The following GSE1 variants were observed in gnomAD, a reference collection of about 807,000 sequenced individuals.
GSE1 encodes the protein genetic suppressor element 1.
A neutral mutation model predicts 112.6 loss-of-function variants in GSE1; 32 were observed. That is an observed-to-expected ratio of 0.28 (90% confidence interval 0.21 to 0.38). The LOEUF (loss-of-function observed/expected upper bound fraction) is 0.38. Ranked by LOEUF, GSE1 falls within the 10% of genes least tolerant of loss-of-function variation. The pLI, the probability that GSE1 is intolerant of heterozygous loss-of-function variation, is 1.00. For missense variants in GSE1, 2,348 were observed against 1,699.2 expected (o/e 1.38, Z -6.71); for synonymous variants, 1,115 against 735.6 (o/e 1.52, Z -8.35).
chr16:85,667,371 G>C (rs1322332617), intron 13 of GSE1, among the ~76,000 whole-genome samples: 1 of 152,246 alleles, frequency 6.6e-6, no homozygotes, highest in African/African-American at 2.4e-5. Context: ...CCCCACGGGA[G>C]GCCAGGTGTG....
chr16:85,654,665 C>T lies in GSE1; in HGVS notation c.600-129C>T, dbSNP rs898939450. The T allele has an allele frequency of 7.0e-5, 52 of 739,144 alleles. No homozygotes were observed. The East Asian group carries it at 8.1e-4, about 11-fold the overall frequency. 45.8% of individuals were successfully genotyped at this position (739,144 alleles called of 1,614,324 possible). On this transcript the variant is annotated intron_variant, in intron 4 of 15. Transcript: ENST00000253458. ...CCCCCCGCTGCTTAAGCCCCGTCCT[C>T]GTTCGGGGTGCCAGGAGTCTGGGTG... is the stretch of plus-strand genomic sequence containing the variant.
intron 2 of GSE1, among the ~76,000 whole-genome samples, chr16:85,537,525 C>G (rs1341526092): frequency 6.6e-6 from 1 of 152,168 alleles, no homozygotes; most frequent in Non-Finnish European, 1.5e-5. Flanking sequence ...AGCCAGGGCT[C>G]GAGTTCTGGG....
chr16:85,199,148 G>C (rs2074982350), intron 1 of GSE1, among the ~76,000 whole-genome samples: 1 of 152,016 alleles, frequency 6.6e-6, no homozygotes, highest in Non-Finnish European at 1.5e-5. Context: ...GTAGAGACAG[G>C]GTTTCAGCAT....
intron 1 of GSE1, among the ~76,000 whole-genome samples, chr16:85,296,118 G>C (rs1049710537): frequency 4.6e-5 from 7 of 152,100 alleles, no homozygotes; most frequent in African/African-American, 1.7e-4. Context: ...CAAGGCTGAG[G>C]GGGGATGTGG....
chr16:85,224,833 C>CAA (rs34148489), intron 1 of GSE1, among the ~76,000 whole-genome samples: 25 of 107,530 alleles, frequency 2.3e-4, no homozygotes, highest in African/African-American at 7.3e-4. Flanking sequence ...ACTAAAAATA[C>CAA]AAAAAAAAAA....
intron 2 of GSE1, among the ~76,000 whole-genome samples, chr16:85,399,052 AGT>A (rs1431531677): frequency 2.0e-5 from 3 of 152,226 alleles, no homozygotes; most frequent in South Asian, 4.1e-4. Context: ...ATGCATGTGC[AGT>A]GTGTTATATA....
Position 85,485,488 on chromosome 16 carries a change from C to G in GSE1, c.2464+127845C>G, listed in dbSNP as rs150640263. ...GAGGGAGCCAGGCATGGCCCCTGCT[C>G]AGGCTCTGCCTGTGGCGCCTGCCGC... On this transcript the variant is annotated intron_variant, in intron 2 of 2. Transcript: ENST00000637419. Among the ~76,000 whole-genome samples, 192 of 152,370 alleles carry G rather than the reference C, an allele frequency of 1.3e-3. No homozygotes were observed. In the East Asian group the frequency reaches 0.014, roughly 11 times the overall value.
At chr16:85,241,441 C>T (rs534956362) in intron 1 of GSE1, among the ~76,000 whole-genome samples, 11 of 152,214 alleles carry the variant, frequency 7.2e-5, no homozygotes, top group African/African-American at 2.7e-4. Context: ...AGCTTGCAGT[C>T]TGCTGTGGTG....
chr16:85,531,083 G>A (rs989772265), intron 2 of GSE1, among the ~76,000 whole-genome samples: 4 of 152,262 alleles, frequency 2.6e-5, no homozygotes, highest in African/African-American at 9.6e-5. Flanking sequence ...CTCTGGCTTC[G>A]TTCGGTTGCC....
intron 1 of GSE1, among the ~76,000 whole-genome samples, chr16:85,626,122 G>C (rs1272954809): frequency 6.6e-6 from 1 of 152,084 alleles, no homozygotes; most frequent in Non-Finnish European, 1.5e-5. Context: ...GGCAGCCTGG[G>C]GGGGTGTTTT....
chr16:85,253,069 ACC>A (rs56691935), intron 1 of GSE1, among the ~76,000 whole-genome samples: 3,520 of 57,894 alleles, frequency 0.061, 65 homozygotes, highest in Middle Eastern at 0.15. Flanking sequence ...CCCCCCCCCC[ACC>A]CCCCCCCCCC....
At chr16:85,394,977 T>A (rs1175312168) in intron 2 of GSE1, among the ~76,000 whole-genome samples, 1 of 152,004 alleles carries the variant, frequency 6.6e-6, no homozygotes, top group Non-Finnish European at 1.5e-5. Flanking sequence ...AAGTGGCAAT[T>A]GAGTCGGGCC....
At chr16:85,205,094 C>T (rs1179707992) in intron 1 of GSE1, among the ~76,000 whole-genome samples, 2 of 152,112 alleles carry the variant, frequency 1.3e-5, no homozygotes, top group African/African-American at 4.8e-5. Context: ...GAGGTGAATG[C>T]TGTCATCGTT....
intron 1 of GSE1, among the ~76,000 whole-genome samples, chr16:85,560,302 A>T (rs573120559): frequency 9.2e-4 from 139 of 151,668 alleles, no homozygotes; most frequent in African/African-American, 3.2e-3. Context: ...CGCCCAAGTA[A>T]TTTTTTGTAT....
intron 2 of GSE1, among the ~76,000 whole-genome samples, chr16:85,361,495 C>A (rs1282838712): frequency 6.6e-6 from 1 of 152,248 alleles, no homozygotes; most frequent in African/African-American, 2.4e-5. Flanking sequence ...ACTGAGCCCT[C>A]TCAGCCCTCT....
chr16:85,314,557 T>TAC (rs111399307), intron 1 of GSE1, among the ~76,000 whole-genome samples: 8 of 152,056 alleles, frequency 5.3e-5, no homozygotes, highest in East Asian at 1.9e-4. Flanking sequence ...CATGAGCATG[T>TAC]ACACACACAC....
chr16:85,572,098 ACACACACAC>A (rs1413361791), intron 1 of GSE1, among the ~76,000 whole-genome samples: 4 of 150,192 alleles, frequency 2.7e-5, no homozygotes, highest in Non-Finnish European at 5.9e-5. Context: ...CCCACATACC[ACACACACAC>A]CACACACAAC....
intron 1 of GSE1, among the ~76,000 whole-genome samples, chr16:85,320,323 C>A (rs1567685815): frequency 6.6e-6 from 1 of 152,246 alleles, no homozygotes. Context: ...CGCAGAACAC[C>A]AGGCCCGTTT....
chr16:85,493,549 T>G (rs973071367), intron 2 of GSE1, among the ~76,000 whole-genome samples: 5 of 150,310 alleles, frequency 3.3e-5, no homozygotes, highest in African/African-American at 4.9e-5. Context: ...AGGTCGGGAG[T>G]TCAAGACCAG....
Sources: allele counts gnomAD v4.1 joint callset (sites outside exome capture counted in the v4.1 genomes callset), GRCh38; gene constraint gnomAD v4.1.1; transcripts MANE v1.5; gene names NCBI Gene and HGNC (gene_info 2026-07-23, HGNC 2026-07-21).